Variants in STAG1 observed in about 807,000 individuals in gnomAD.
STAG1 encodes STAG1 cohesin complex component, also known as cohesin subunit SA-1.
A neutral mutation model predicts 170.9 loss-of-function variants in STAG1; 26 were observed. That is an observed-to-expected ratio of 0.15 (90% CI 0.11 to 0.21). STAG1 has a LOEUF of 0.21. Among genes scored for constraint, STAG1 ranks in the 10% least tolerant of loss-of-function variants. The pLI is 1.00. For missense variants in STAG1, 964 were observed against 1,509.5 expected (o/e 0.64, Z 5.99); for synonymous variants, 514 against 497.7 (o/e 1.03, Z -0.44).
At chr3:136,348,281 G>A (rs1233019894) in intron 29 of STAG1, among the ~76,000 whole-genome samples, 1 of 150,806 alleles carries the variant, frequency 6.6e-6, no homozygotes, top group Non-Finnish European at 1.5e-5. Context: ...TTTTAATAGA[G>A]CAATTTTTAG....
chr3:136,495,726 T>C (rs1933046600), intron 9 of STAG1, among the ~76,000 whole-genome samples: 1 of 151,972 alleles, frequency 6.6e-6, no homozygotes, highest in Non-Finnish European at 1.5e-5. Flanking sequence ...TCCAGCATGT[T>C]GGGAGGCTGA....
chr3:136,557,308 A>C (rs1321733670), intron 5 of STAG1, among the ~76,000 whole-genome samples: 4 of 152,176 alleles, frequency 2.6e-5, no homozygotes, highest in Non-Finnish European at 5.9e-5. Flanking sequence ...AACCCAGAAA[A>C]AGACTCTCCT....
intron 13 of STAG1, among the ~76,000 whole-genome samples, chr3:136,463,284 C>A (rs2107795091): frequency 6.6e-6 from 1 of 151,980 alleles, no homozygotes; most frequent in Admixed American, 6.5e-5. Flanking sequence ...TAACTTTTCT[C>A]ACTTTGAGAG....
At chr3:136,380,265 G>A (rs1305130290) in intron 22 of STAG1, among the ~76,000 whole-genome samples, 9 of 150,108 alleles carry the variant, frequency 6.0e-5, no homozygotes, top group South Asian at 4.2e-4. Flanking sequence ...TTTTTGAGAC[G>A]GAGTCTCACT....
chr3:136,651,393 A>AAC (rs1426213493), intron 1 of STAG1, among the ~76,000 whole-genome samples: 2 of 151,582 alleles, frequency 1.3e-5, no homozygotes, highest in Non-Finnish European at 2.9e-5. Context: ...AAAAAAAAAA[A>AAC]AGAATCATGT....
intron 6 of STAG1, among the ~76,000 whole-genome samples, chr3:136,522,780 C>A (rs1281532420): frequency 6.8e-6 from 1 of 147,262 alleles, no homozygotes; most frequent in African/African-American, 2.5e-5. Context: ...CAAGTGTTCT[C>A]ACTGTTCAAC....
At chr3:136,626,400 G>A in intron 2 of STAG1, among the ~76,000 whole-genome samples, 1 of 147,578 alleles carries the variant, frequency 6.8e-6, no homozygotes, top group African/African-American at 2.5e-5. Flanking sequence ...ACTCCAGCCT[G>A]AGCAACAGAG....
At chr3:136,498,287 A>ACACT (rs1933265160) in intron 9 of STAG1, among the ~76,000 whole-genome samples, 1 of 125,656 alleles carries the variant, frequency 8.0e-6, no homozygotes, top group African/African-American at 3.4e-5. Context: ...ACACACATAC[A>ACACT]CACACACACA....
chr3:136,678,453 A>G (rs553827237), intron 1 of STAG1, among the ~76,000 whole-genome samples: 94 of 151,930 alleles, frequency 6.2e-4, no homozygotes, highest in African/African-American at 2.2e-3. Context: ...AAGTGTTGAG[A>G]ATCTCCAAGC....
Position 136,337,075 on chromosome 3 carries a change from A to G in STAG1, c.*1179T>C, listed in dbSNP as rs887291999. On this transcript the variant is annotated 3_prime_UTR_variant, in exon 34 of 34. Coordinates refer to ENST00000383202, the MANE Select transcript of STAG1 (RefSeq NM_005862.3). ...TGAAGATTCATAATTTCTTTCCCCA[A>G]AAGAATTATTCTTAATATGCACATT... 2.0e-5 allele frequency: 3 copies of G among 152,776 alleles called. No homozygotes were observed. Among genetic ancestry groups the G allele is most frequent in the South Asian group, 4.1e-4 (2 of 4,822 alleles). The allele number at this position is 152,776 out of a possible 1,614,324, so 9.5% of individuals were successfully genotyped here. A position where few individuals can be genotyped will look rare whatever the true frequency, so the allele number is the denominator to read the frequency against.
intron 4 of STAG1, among the ~76,000 whole-genome samples, chr3:136,598,509 C>T (rs1938527048): frequency 2.0e-5 from 3 of 151,904 alleles, no homozygotes; most frequent in African/African-American, 7.3e-5. Flanking sequence ...TCACTGCAAG[C>T]TCCACCTCCC....
At chr3:136,613,212 G>A (rs1372216504) in intron 3 of STAG1, among the ~76,000 whole-genome samples, 1 of 149,438 alleles carries the variant, frequency 6.7e-6, no homozygotes, top group Non-Finnish European at 1.5e-5. Flanking sequence ...GGCTGAGGCA[G>A]GAGAACGGTG....
At chr3:136,436,210 C>A (rs546193922) in intron 15 of STAG1, among the ~76,000 whole-genome samples, 1 of 152,158 alleles carries the variant, frequency 6.6e-6, no homozygotes, top group Non-Finnish European at 1.5e-5. Flanking sequence ...CCGGCCTCAG[C>A]CTCTCAAAGT....
chr3:136,551,392 G>GCT (rs1175989273), intron 5 of STAG1, among the ~76,000 whole-genome samples: 1 of 146,622 alleles, frequency 6.8e-6, no homozygotes, highest in Non-Finnish European at 1.5e-5. Context: ...ACCTCTGCAA[G>GCT]CTAGGACTAT....
intron 3 of STAG1, among the ~76,000 whole-genome samples, chr3:136,611,369 G>A (rs942424389): frequency 1.3e-5 from 2 of 151,906 alleles, no homozygotes; most frequent in Admixed American, 6.6e-5. Context: ...GGCTGGTCTC[G>A]AACTCCCGAC....
At chr3:136,361,643 C>T (rs1203446397) in intron 26 of STAG1, among the ~76,000 whole-genome samples, 1 of 152,076 alleles carries the variant, frequency 6.6e-6, no homozygotes, top group African/African-American at 2.4e-5. Context: ...TGGGGTCTCA[C>T]TCTGTCACCT....
intron 1 of STAG1, among the ~76,000 whole-genome samples, chr3:136,669,174 C>G (rs1182798903): frequency 2.0e-5 from 3 of 152,204 alleles, no homozygotes; most frequent in African/African-American, 4.8e-5. Flanking sequence ...CAAAAAGGAA[C>G]TTCCAATTGA....
At chr3:136,380,470 G>C (rs910849483) in intron 22 of STAG1, among the ~76,000 whole-genome samples, 21 of 151,936 alleles carry the variant, frequency 1.4e-4, no homozygotes, top group Non-Finnish European at 2.9e-4. Context: ...TTGATCTCCT[G>C]ACCTCGTGAT....
chr3:136,671,077 G>C (rs1576744019), intron 1 of STAG1, among the ~76,000 whole-genome samples: 1 of 152,110 alleles, frequency 6.6e-6, no homozygotes, highest in African/African-American at 2.4e-5. Flanking sequence ...TTGAGGTCAA[G>C]ACTTCAAGAC....
Sources: allele counts gnomAD v4.1 joint callset (sites outside exome capture counted in the v4.1 genomes callset), GRCh38; gene constraint gnomAD v4.1.1; transcripts MANE v1.5; gene names NCBI Gene and HGNC (gene_info 2026-07-23, HGNC 2026-07-21).